The following ZNF280D variants were observed in gnomAD, a reference collection of about 807,000 sequenced individuals.
ZNF280D encodes the protein suppressor of hairy wing homolog 4.
In ZNF280D, 39 loss-of-function variants were observed where a neutral mutation model predicts 94.7. The ratio of observed to expected loss-of-function variants is 0.41; its 90% CI spans 0.32 to 0.54. The LOEUF (loss-of-function observed/expected upper bound fraction) is 0.54. Ranked by LOEUF, ZNF280D falls within the 20% of genes least tolerant of loss-of-function variation. ZNF280D has a pLI of 0.22. For missense variants in ZNF280D, 1,090 were observed against 1,149.3 expected (o/e 0.95, Z 0.75); for synonymous variants, 398 against 377.6 (o/e 1.05, Z -0.63).
intron 20 of ZNF280D, among the ~76,000 whole-genome samples, chr15:56,639,351 G>T (rs2140527462): frequency 6.6e-6 from 1 of 150,432 alleles, no homozygotes; most frequent in South Asian, 2.1e-4. Flanking sequence ...AACAATAGGA[G>T]TTTCTTAAAA....
At chr15:56,654,167 G>A (rs371575165) in intron 19 of ZNF280D, 31 bp downstream of exon 19, 26 of 1,594,782 alleles carry the variant, frequency 1.6e-5, no homozygotes, top group Non-Finnish European at 2.1e-5. Context: ...ATCCATCAAA[G>A]TAAAATGCAC....
Position 56,668,237 on chromosome 15 carries a change from G to A in ZNF280D, c.1545+586C>T, listed in dbSNP as rs775802703. On this transcript the variant is annotated intron_variant, in intron 14 of 21. Coordinates refer to ENST00000267807, the MANE Select transcript of ZNF280D (RefSeq NM_017661.4). ...CCTCCACTGGAGCAAATATTCAAGA[G>A]CTGACTGTATATAAAGAAGTCAGAG... 4.6e-6 allele frequency: 2 copies of A among 438,882 alleles called. 1 individual carries two copies. The highest frequency in any genetic ancestry group is 3.2e-5 in the South Asian group (2 of 61,756). 27.2% of individuals were successfully genotyped at this position (438,882 alleles called of 1,614,324 possible).
At chr15:56,668,117 AAT>A (rs1443691344) in intron 14 of ZNF280D, 1 of 454,612 alleles carries the variant, frequency 2.2e-6, no homozygotes, top group African/African-American at 2.0e-5. Context: ...AGTTAATTCA[AAT>A]AACAGACATA....
At chr15:56,706,339 G>A (rs1025686109) in intron 3 of ZNF280D, among the ~76,000 whole-genome samples, 19 of 151,342 alleles carry the variant, frequency 1.3e-4, no homozygotes, top group African/African-American at 4.1e-4. Context: ...TTAGCCAGGC[G>A]TGGTGGCGAG....
chr15:56,721,399 C>G (rs1402940680), intron 1 of ZNF280D, among the ~76,000 whole-genome samples: 2 of 152,212 alleles, frequency 1.3e-5, no homozygotes, highest in African/African-American at 4.8e-5. Context: ...ATTTGAAAGC[C>G]AGGCATGACT....
At chr15:56,701,783 C>T (rs1424899324) in intron 4 of ZNF280D, among the ~76,000 whole-genome samples, 1 of 151,988 alleles carries the variant, frequency 6.6e-6, no homozygotes, top group Non-Finnish European at 1.5e-5. Context: ...AAAAGAAAAA[C>T]TATCAGAGAT....
intron 4 of ZNF280D, among the ~76,000 whole-genome samples, chr15:56,702,468 G>T (rs1042735471): frequency 6.6e-6 from 1 of 152,112 alleles, no homozygotes; most frequent in Non-Finnish European, 1.5e-5. Flanking sequence ...AAGAAATTCT[G>T]TTGGGGTTAA....
At chr15:56,666,186 C>G (rs1347678855) in intron 16 of ZNF280D, among the ~76,000 whole-genome samples, 1 of 152,126 alleles carries the variant, frequency 6.6e-6, no homozygotes, top group African/African-American at 2.4e-5. Context: ...ATTTCATTAG[C>G]TTAATTTTTC....
At chr15:56,667,683 G>A (rs1189833857) in intron 14 of ZNF280D, among the ~76,000 whole-genome samples, 4 of 152,154 alleles carry the variant, frequency 2.6e-5, no homozygotes, top group South Asian at 2.1e-4. Context: ...TTGAGGAACA[G>A]TCAATAAGGA....
intron 1 of ZNF280D, chr15:56,732,506 A>C (rs1253898610): frequency 1.3e-5 from 2 of 152,216 alleles, no homozygotes. Context: ...TTGTGCTTTA[A>C]AACTGTCCTT....
chr15:56,724,963 T>C (rs2058561423), intron 1 of ZNF280D: 2 of 423,588 alleles, frequency 4.7e-6, no homozygotes, highest in Non-Finnish European at 9.3e-6. Context: ...AGCAATCCTG[T>C]ATAGCTGAGA....
intron 21 of ZNF280D, among the ~76,000 whole-genome samples, chr15:56,634,426 T>C (rs1251486253): frequency 2.0e-5 from 3 of 152,184 alleles, no homozygotes; most frequent in African/African-American, 7.2e-5. Context: ...TGATTTTTTG[T>C]TAACATTCCC....
chr15:56,709,243 C>A (rs1219112006), intron 1 of ZNF280D, among the ~76,000 whole-genome samples: 15 of 152,276 alleles, frequency 9.9e-5, no homozygotes, highest in Middle Eastern at 3.4e-3. Flanking sequence ...ATGCAGCCAA[C>A]AGACACATGA....
intron 1 of ZNF280D, among the ~76,000 whole-genome samples, chr15:56,713,841 G>T (rs551484046): frequency 4.0e-4 from 61 of 152,184 alleles, no homozygotes; most frequent in Non-Finnish European, 2.6e-4. Context: ...TTCCATTATG[G>T]AAAATTGGAA....
intron 13 of ZNF280D, among the ~76,000 whole-genome samples, chr15:56,675,820 T>C (rs2055193384): frequency 6.6e-6 from 1 of 152,054 alleles, no homozygotes; most frequent in South Asian, 2.1e-4. Flanking sequence ...TAAGAGAATG[T>C]ATTGAGCTTT....
At chr15:56,722,457 T>C (rs2058416534) in intron 1 of ZNF280D, among the ~76,000 whole-genome samples, 1 of 152,138 alleles carries the variant, frequency 6.6e-6, no homozygotes, top group South Asian at 2.1e-4. Context: ...TATCTTCCCC[T>C]GAAAAATTAT....
chr15:56,682,823 C>A (rs942026719), intron 9 of ZNF280D, among the ~76,000 whole-genome samples: 1 of 151,576 alleles, frequency 6.6e-6, no homozygotes, highest in Non-Finnish European at 1.5e-5. Context: ...CTCATGTCCA[C>A]GTCAAGATGT....
chr15:56,675,802 A>G (rs1346778631), intron 13 of ZNF280D, among the ~76,000 whole-genome samples: 3 of 152,080 alleles, frequency 2.0e-5, no homozygotes, highest in Admixed American at 1.3e-4. Context: ...TGTCAATTTA[A>G]TCAATAATAA....
At chr15:56,643,068 T>C in intron 19 of ZNF280D, 71 bp from the exon 20 acceptor site, 1 of 981,792 alleles carries the variant, frequency 1.0e-6, no homozygotes, top group South Asian at 2.2e-5. Flanking sequence ...CAGTTCTTTC[T>C]CTGCCAGCCT....
Sources: gnomAD v4.1 joint callset for allele counts (sites outside exome capture counted in the v4.1 genomes callset) on GRCh38, gnomAD v4.1.1 for gene constraint, MANE v1.5 for transcripts, NCBI Gene and HGNC (gene_info 2026-07-23, HGNC 2026-07-21) for gene names.